ANOS1: variants seen among roughly 807,000 people sequenced by gnomAD.
ANOS1 encodes the protein anosmin 1, also known as anosmin-1.
Under a neutral mutation model 59.0 loss-of-function variants are expected in ANOS1, and 6 were observed. That is an observed-to-expected ratio of 0.10 (90% CI 0.06 to 0.20). The LOEUF (loss-of-function observed/expected upper bound fraction) is 0.20. Among genes scored for constraint, ANOS1 ranks in the 10% least tolerant of loss-of-function variants. The probability of loss-of-function intolerance (pLI) is 1.00; values close to 1 mark genes in which losing one functional copy is unlikely to be tolerated. For synonymous variants in ANOS1, 217 were observed against 223.4 expected (o/e 0.97, Z 0.25); for missense variants, 433 against 542.3 (o/e 0.80, Z 2.00).
intron 1 of ANOS1, among the ~76,000 whole-genome samples, chrX:8,725,607 C>CAGATATACATATAT (rs1932908197): frequency 2.2e-5 from 1 of 45,623 alleles, no homozygotes; most frequent in Non-Finnish European, 3.9e-5. Context: ...TATATATATA[C>CAGATATACATATAT]AGATATATAT....
chrX:8,532,941 G>A lies in ANOS1; in HGVS notation c.*54C>T, dbSNP rs1273033295. The A allele has an allele frequency of 2.5e-6, 2 of 787,784 alleles. No homozygotes were observed. Among genetic ancestry groups the A allele is most frequent in the South Asian group, 2.1e-5 (1 of 47,571 alleles). The allele number at this position is 787,784 out of a possible 1,213,427, so 64.9% of individuals were successfully genotyped here. A position where few individuals can be genotyped will look rare whatever the true frequency, so the allele number is the denominator to read the frequency against. On this transcript the variant is annotated 3_prime_UTR_variant, in exon 14 of 14. Transcript: ENST00000262648. ...CTGGAAGTGTGCATGTCTCGTGGCC[G>A]AAGTTCAACAAGCTTACACATCTGT... is the stretch of plus-strand genomic sequence containing the variant.
chrX:8,609,939 G>A lies in ANOS1; in HGVS notation c.319-12683C>T, dbSNP rs759623548. 6.0e-3 allele frequency among the ~76,000 whole-genome samples: 605 copies of A among 100,928 alleles called. 8 individuals carry two copies. The highest frequency in any genetic ancestry group is 0.021 in the African/African-American group (574 of 27,052). 87.6% of individuals were successfully genotyped at this position (100,928 alleles called of 115,157 possible). A position where few individuals can be genotyped will look rare whatever the true frequency, so the allele number is the denominator to read the frequency against. ...GGAGAATGGTGTGAACCCGGGAGGC[G>A]GAGCTTGCAGTGAGCCCAGATTGTA... is the stretch of plus-strand genomic sequence containing the variant. On this transcript the variant is annotated intron_variant, in intron 3 of 13. Transcript: ENST00000262648.
In ANOS1 at chrX:8,570,551, C is replaced by T. The variant is rs1243368269; in HGVS notation, c.1010G>A (p.Ser337Asn). The T allele has an allele frequency of 1.3e-5, 16 of 1,211,572 alleles. No homozygotes were observed. The highest frequency in any genetic ancestry group is 2.2e-5 in the Admixed American group (1 of 46,054). Reference protein sequence around the residue: ...HYKVFWSWMVSSKSLVPTKKK... With the variant: ...HYKVFWSWMVNSKSLVPTKKK... ...CTTTGTTGGGACAAGAGACTTACTG[C>T]TGACCATCCAGCTCCAAAAGACCTT... The change falls in exon 7 of 14, where the codon AGC (serine) becomes AAC (asparagine). Residue 337 changes from serine to asparagine, a missense_variant. Physicochemically the swap from Ser to Asn is conservative, Grantham distance 46. Coordinates refer to ENST00000262648, the MANE Select transcript of ANOS1 (RefSeq NM_000216.4).
At chrX:8,718,236 C>A (rs185358887) in intron 1 of ANOS1, among the ~76,000 whole-genome samples, 123 of 110,364 alleles carry the variant, frequency 1.1e-3, no homozygotes, top group African/African-American at 3.8e-3. Context: ...TCACTCTTGT[C>A]ACCCAACTGG....
At chrX:8,664,357 A>AT (rs1194008091) in intron 2 of ANOS1, among the ~76,000 whole-genome samples, 1 of 109,394 alleles carries the variant, frequency 9.1e-6, no homozygotes, top group East Asian at 2.9e-4. Context: ...CGCCCGGCTA[A>AT]TTTTTTTGTA....
intron 2 of ANOS1, among the ~76,000 whole-genome samples, chrX:8,637,653 T>G (rs1806172855): frequency 9.0e-6 from 1 of 111,686 alleles, no homozygotes; most frequent in Non-Finnish European, 1.9e-5. Flanking sequence ...TTTAAATCTA[T>G]AAAGCTATAT....
At chrX:8,711,411 C>A (rs1392500556) in intron 1 of ANOS1, among the ~76,000 whole-genome samples, 3 of 113,048 alleles carry the variant, frequency 2.7e-5, no homozygotes, top group Non-Finnish European at 5.6e-5. Context: ...GCACACCTTA[C>A]TTAAAGTCAA....
chrX:8,613,948 A>G (rs768628388), intron 3 of ANOS1, among the ~76,000 whole-genome samples: 1 of 112,220 alleles, frequency 8.9e-6, no homozygotes, highest in Non-Finnish European at 1.9e-5. Context: ...GCCACACCAT[A>G]TACCTACTGA....
intron 8 of ANOS1, among the ~76,000 whole-genome samples, chrX:8,555,650 G>C (rs1029701771): frequency 5.4e-5 from 6 of 111,606 alleles, no homozygotes; most frequent in Non-Finnish European, 9.4e-5. Context: ...TAAACTCCTG[G>C]ACACATACAC....
At chrX:8,547,452 C>T (rs186950961) in intron 9 of ANOS1, among the ~76,000 whole-genome samples, 19 of 112,010 alleles carry the variant, frequency 1.7e-4, no homozygotes, top group African/African-American at 5.8e-4. Context: ...GTGAAAATTC[C>T]TCTGCACACA....
chrX:8,631,933 T>C (rs1316925389), intron 2 of ANOS1, among the ~76,000 whole-genome samples: 2 of 111,920 alleles, frequency 1.8e-5, no homozygotes, highest in Non-Finnish European at 3.8e-5. Context: ...GATGTAAGCA[T>C]TTGGATGTAG....
intron 2 of ANOS1, among the ~76,000 whole-genome samples, chrX:8,628,235 T>C (rs1931429088): frequency 9.0e-6 from 1 of 111,632 alleles, no homozygotes; most frequent in Admixed American, 9.5e-5. Context: ...AGCTACCCTA[T>C]ATGGTCTAAA....
chrX:8,668,503 T>A (rs1932200509), intron 2 of ANOS1, among the ~76,000 whole-genome samples: 1 of 84,747 alleles, frequency 1.2e-5, no homozygotes, highest in Admixed American at 1.4e-4. Context: ...TATATGGTAT[T>A]CCATCATATA....
chrX:8,594,945 A>G (rs896527665), intron 4 of ANOS1, among the ~76,000 whole-genome samples: 4 of 106,313 alleles, frequency 3.8e-5, no homozygotes, highest in Non-Finnish European at 5.8e-5. Flanking sequence ...CAGTACTTTA[A>G]CAAAAGTTCA....
chrX:8,583,108 G>A (rs917385448), intron 6 of ANOS1, among the ~76,000 whole-genome samples: 1 of 103,362 alleles, frequency 9.7e-6, no homozygotes, highest in Non-Finnish European at 2.0e-5. Context: ...CACTGTGACT[G>A]CTATGCTTTT....
At chrX:8,544,672 T>G (rs942195122) in intron 9 of ANOS1, among the ~76,000 whole-genome samples, 4 of 111,094 alleles carry the variant, frequency 3.6e-5, no homozygotes, top group Admixed American at 9.6e-5. Context: ...CCCCAGCGTT[T>G]TGGGAGTCTG....
At chrX:8,533,994 GA>G (rs1929544049) in intron 13 of ANOS1, among the ~76,000 whole-genome samples, 1 of 20,495 alleles carries the variant, frequency 4.9e-5, no homozygotes, top group African/African-American at 1.3e-4. Flanking sequence ...AAGGAGAAAA[GA>G]AGAGAGGGAA....
At chrX:8,700,539 T>A (rs1932746793) in intron 1 of ANOS1, among the ~76,000 whole-genome samples, 1 of 111,475 alleles carries the variant, frequency 9.0e-6, no homozygotes, top group South Asian at 3.8e-4. Context: ...CCAAACTACA[T>A]CAGATCCCAC....
intron 3 of ANOS1, among the ~76,000 whole-genome samples, chrX:8,598,261 A>C (rs1262921835): frequency 8.9e-6 from 1 of 112,115 alleles, no homozygotes; most frequent in Non-Finnish European, 1.9e-5. Flanking sequence ...GCCCAGAATC[A>C]ATCAACCATT....
Sources: allele counts gnomAD v4.1 joint callset (sites outside exome capture counted in the v4.1 genomes callset), GRCh38; gene constraint gnomAD v4.1.1; transcripts MANE v1.5; gene names NCBI Gene and HGNC (gene_info 2026-07-23, HGNC 2026-07-21).